ASIC2: variants seen among roughly 807,000 people sequenced by gnomAD.
ASIC2 encodes acid sensing ion channel subunit 2.
Under a neutral mutation model 57.3 loss-of-function variants are expected in ASIC2, and 25 were observed. The ratio of observed to expected loss-of-function variants is 0.44; its 90% CI spans 0.32 to 0.61. The LOEUF is 0.61. Among genes scored for constraint, ASIC2 ranks in the 20% least tolerant of loss-of-function variants. ASIC2 has a pLI of 0.06. For missense variants in ASIC2, 641 were observed against 738.1 expected, an observed-to-expected ratio of 0.87 and a Z score of 1.52; for synonymous variants, 319 against 307.5, an observed-to-expected ratio of 1.04 and a Z score of -0.39.
intron 1 of ASIC2, among the ~76,000 whole-genome samples, chr17:34,056,512 T>A (rs902039801): frequency 7.9e-5 from 12 of 152,334 alleles, no homozygotes; most frequent in African/African-American, 2.9e-4. Flanking sequence ...TGGTAAAGCA[T>A]GTCCTTCTGG....
At chr17:33,023,326 A>G (rs763665588) in intron 6 of ASIC2, among the ~76,000 whole-genome samples, 33 of 151,960 alleles carry the variant, frequency 2.2e-4, no homozygotes, top group Non-Finnish European at 4.1e-4. Context: ...TGTCTCTACT[A>G]AAAATACAAA....
chr17:33,501,131 C>T (rs562325781), intron 1 of ASIC2, among the ~76,000 whole-genome samples: 1 of 152,374 alleles, frequency 6.6e-6, no homozygotes, highest in African/African-American at 2.4e-5. Flanking sequence ...TGGGCCTTGT[C>T]TGTCACTGAG....
At chr17:33,117,665 C>T (rs762879977) in intron 1 of ASIC2, among the ~76,000 whole-genome samples, 25 of 152,212 alleles carry the variant, frequency 1.6e-4, no homozygotes, top group Non-Finnish European at 3.1e-4. Flanking sequence ...AGCTCACTGA[C>T]AGCTAGTCAA....
chr17:33,737,485 A>ATTTTTTTTTTTT (rs1176628062), intron 1 of ASIC2, among the ~76,000 whole-genome samples: 7 of 151,086 alleles, frequency 4.6e-5, no homozygotes, highest in East Asian at 1.9e-4. Flanking sequence ...CGGATTAGAA[A>ATTTTTTTTTTTT]TATTTTTAAT....
chr17:33,579,795 G>C (rs558796753), intron 1 of ASIC2, among the ~76,000 whole-genome samples: 9 of 152,134 alleles, frequency 5.9e-5, no homozygotes, highest in African/African-American at 1.9e-4. Flanking sequence ...CTACCACACC[G>C]TGAAAAACAC....
intron 1 of ASIC2, among the ~76,000 whole-genome samples, chr17:33,185,490 A>G (rs1352548222): frequency 6.6e-6 from 1 of 152,154 alleles, no homozygotes; most frequent in Non-Finnish European, 1.5e-5. Flanking sequence ...AGAAACAAAC[A>G]AATCGTAGGT....
At position 33,725,213 on chromosome 17, in the gene ASIC2, C is replaced by T. The variant is rs562380673; in HGVS notation, c.555+430765G>A. Among the ~76,000 whole-genome samples the T allele has an allele frequency of 2.0e-3, 306 of 152,340 alleles. 1 individual carries two copies. Among genetic ancestry groups the T allele is most frequent in the African/African-American group, 7.1e-3 (295 of 41,576 alleles). Reference sequence around the variant, plus strand: ...GGTGGATGACTGTCAGGACAAGTAGCCTCTGTGTCCTGTGTTGAATAAACA... The same window carrying T: ...GGTGGATGACTGTCAGGACAAGTAGTCTCTGTGTCCTGTGTTGAATAAACA... On this transcript the variant is annotated intron_variant, in intron 1 of 9. Transcript: ENST00000359872.
intron 1 of ASIC2, among the ~76,000 whole-genome samples, chr17:34,107,589 C>T (rs1429135108): frequency 6.6e-6 from 1 of 152,102 alleles, no homozygotes; most frequent in Non-Finnish European, 1.5e-5. Flanking sequence ...AATTGCTTCA[C>T]TCAAACACTA....
chr17:33,014,153 G>T, intron 9 of ASIC2, 87 bp from the exon 10 acceptor site: 1 of 1,060,778 alleles, frequency 9.4e-7, no homozygotes, highest in Non-Finnish European at 1.4e-6. Context: ...AGGCCCTGGG[G>T]AAGGTGCTCC....
chr17:33,522,365 G>A (rs1914769018), intron 1 of ASIC2, among the ~76,000 whole-genome samples: 1 of 152,216 alleles, frequency 6.6e-6, no homozygotes. Context: ...CTTCCCTGCA[G>A]GAGTGAGCTG....
rs151076294 is a variant in ASIC2, at chr17:33,523,859, C to T, written c.556-411792G>A. 3.1e-4 allele frequency among the ~76,000 whole-genome samples: 47 copies of T among 152,264 alleles called. 1 individual carries two copies. The South Asian group carries it at 5.8e-3, about 19-fold the overall frequency. On this transcript the variant is annotated intron_variant, in intron 1 of 9. Transcript: ENST00000359872. The stretch of plus-strand genomic sequence containing the variant: ...GGCTGCAATCTCAGAACAGCTGGGA[C>T]GGAGGGGAAGTTCCTGCTCTCATGA...
intron 2 of ASIC2, among the ~76,000 whole-genome samples, chr17:33,091,901 G>A (rs949836483): frequency 2.0e-5 from 3 of 152,150 alleles, no homozygotes; most frequent in Non-Finnish European, 2.9e-5. Context: ...GTGTGACTGA[G>A]GAACTGAATT....
At chr17:33,999,283 C>T (rs1336244414) in intron 1 of ASIC2, among the ~76,000 whole-genome samples, 1 of 152,068 alleles carries the variant, frequency 6.6e-6, no homozygotes, top group Non-Finnish European at 1.5e-5. Flanking sequence ...TTGTAGGCAG[C>T]ATATAGTTGG....
chr17:34,087,033 A>G (rs1009498597), intron 1 of ASIC2, among the ~76,000 whole-genome samples: 3 of 151,766 alleles, frequency 2.0e-5, no homozygotes, highest in Non-Finnish European at 4.4e-5. Context: ...CATTTAGTCC[A>G]TTTACATTTA....
At chr17:34,047,329 C>G (rs1249260742) in intron 1 of ASIC2, among the ~76,000 whole-genome samples, 1 of 151,906 alleles carries the variant, frequency 6.6e-6, no homozygotes, top group Non-Finnish European at 1.5e-5. Flanking sequence ...CTTCATGAAG[C>G]CTACAGATTC....
chr17:33,262,365 G>A (rs1909317060), intron 1 of ASIC2, among the ~76,000 whole-genome samples: 2 of 151,142 alleles, frequency 1.3e-5, no homozygotes, highest in Middle Eastern at 3.2e-3. Flanking sequence ...GAGGGAGGGA[G>A]GGAGAGAGGG....
Position 33,013,989 on chromosome 17 carries a change from C to A in ASIC2, c.1668G>T (p.Gly556=). The A allele has an allele frequency of 6.3e-7, 1 of 1,599,620 alleles. No homozygotes were observed. Among genetic ancestry groups the A allele is most frequent in the Non-Finnish European group, 8.5e-7 (1 of 1,172,756 alleles). Residue 556 remains glycine (G), a synonymous_variant, in exon 10 of 10, where the codon GGG becomes GGT. Coordinates refer to ENST00000225823, the MANE Select transcript of ASIC2 (RefSeq NM_183377.2). ...TVNVPLQTTL[G]TLEEIAC is the part of the protein sequence containing the mutation. ...GTCAGCAGGCAATCTCCTCCAAGGT[C>A]CCCAGGGTCGTCTGCAGGGGCACGT... is the stretch of plus-strand genomic sequence containing the variant.
chr17:33,711,329 A>G (rs1909028370), intron 1 of ASIC2, among the ~76,000 whole-genome samples: 1 of 152,132 alleles, frequency 6.6e-6, no homozygotes, highest in Non-Finnish European at 1.5e-5. Context: ...CTCATCATGG[A>G]TACGTGAGCT....
intron 1 of ASIC2, among the ~76,000 whole-genome samples, chr17:33,773,072 A>T (rs956056257): frequency 2.0e-5 from 3 of 152,214 alleles, no homozygotes; most frequent in Non-Finnish European, 4.4e-5. Context: ...ATCTGACTCA[A>T]ATGTAGTGAA....
Sources: gnomAD v4.1 joint callset for allele counts (sites outside exome capture counted in the v4.1 genomes callset) on GRCh38, gnomAD v4.1.1 for gene constraint, MANE v1.5 for transcripts, NCBI Gene and HGNC (gene_info 2026-07-23, HGNC 2026-07-21) for gene names.